Variants in HEATR5A observed in about 807,000 individuals in gnomAD.
HEATR5A encodes the protein HEAT repeat-containing protein 5A.
HEATR5A carries 178 observed loss-of-function variants against 218.8 expected under a neutral mutation model. The ratio of observed to expected loss-of-function variants is 0.81; its 90% confidence interval spans 0.72 to 0.92. HEATR5A has a LOEUF of 0.92. HEATR5A is among the 40% of genes least tolerant of loss of function. HEATR5A has a pLI of 0.00. For missense variants in HEATR5A, 2,420 were observed against 2,418.9 expected (o/e 1.00, Z -0.01); for synonymous variants, 864 against 871.6 (o/e 0.99, Z 0.15).
Position 31,306,849 on chromosome 14 carries a change from G to T in HEATR5A, c.4849C>A (p.His1617Asn). The T allele has an allele frequency of 6.2e-7, 1 of 1,613,034 alleles. No homozygotes were observed. The highest frequency in any genetic ancestry group is 1.1e-5 in the South Asian group (1 of 90,956). Residue 1617 changes from histidine (H) to asparagine (N), a missense_variant, in exon 31 of 36, where the codon CAT becomes AAT. Physicochemically the swap from His to Asn is moderately conservative, Grantham distance 68. Coordinates refer to ENST00000543095, the MANE Select transcript of HEATR5A (RefSeq NM_015473.4). ...GATTCTCTGGTTAAAATTACTCGATGTAGAACATTCAGCAATTCTATACCC... is the reference window on the plus strand; with the variant it reads ...GATTCTCTGGTTAAAATTACTCGATTTAGAACATTCAGCAATTCTATACCC... ...DLGIELLNVL[H>N]RVILTRESPS...
intron 18 of HEATR5A, among the ~76,000 whole-genome samples, chr14:31,348,768 CA>C (rs1302705218): frequency 6.6e-6 from 1 of 152,062 alleles, no homozygotes; most frequent in Non-Finnish European, 1.5e-5. Context: ...ATAGCTCTCA[CA>C]AAATAACCAA....
chr14:31,414,234 G>C (rs1243334283), intron 1 of HEATR5A, among the ~76,000 whole-genome samples: 1 of 152,148 alleles, frequency 6.6e-6, no homozygotes, highest in Non-Finnish European at 1.5e-5. Flanking sequence ...TCTTCTGAAA[G>C]TCACTAGCTA....
chr14:31,389,041 C>A, intron 6 of HEATR5A, 36 bp from the exon 7 acceptor site: 1 of 1,521,142 alleles, frequency 6.6e-7, no homozygotes, highest in Non-Finnish European at 8.9e-7. Context: ...TCATATTTTA[C>A]AGACTAAATT....
chr14:31,332,225 T>C (rs1900497243), intron 22 of HEATR5A, among the ~76,000 whole-genome samples: 1 of 152,260 alleles, frequency 6.6e-6, no homozygotes, highest in South Asian at 2.1e-4. Flanking sequence ...TTGGTGATCT[T>C]TGATGTTACT....
chr14:31,321,548 G>A lies in HEATR5A; in HGVS notation c.3920C>T (p.Pro1307Leu), dbSNP rs1900108253. ...LVVIRRFATVPEPEFPGHVIL... is the reference protein window; with the variant it reads ...LVVIRRFATVLEPEFPGHVIL... Reference sequence around the variant, plus strand: ...CACATGACCTGGAAACTCTGGTTCTGGAACAGTTGCAAATCGCCGAATAAC... The same window carrying A: ...CACATGACCTGGAAACTCTGGTTCTAGAACAGTTGCAAATCGCCGAATAAC... The change falls in exon 25 of 36, where the codon CCA (proline) becomes CTA (leucine). Residue 1307 changes from proline to leucine, a missense_variant. Transcript: ENST00000543095. 6.2e-7 allele frequency: 1 copy of A among 1,605,268 alleles called. No homozygotes were observed. Among genetic ancestry groups the A allele is most frequent in the Non-Finnish European group, 8.5e-7 (1 of 1,175,800 alleles).
chr14:31,411,752 C>G (rs947211822), intron 1 of HEATR5A, among the ~76,000 whole-genome samples: 3 of 152,126 alleles, frequency 2.0e-5, no homozygotes, highest in Admixed American at 6.5e-5. Flanking sequence ...AGCCAGGAAT[C>G]TCATAGAATT....
At position 31,402,151 on chromosome 14, in the gene HEATR5A, T is replaced by C. The variant is rs2030901763; in HGVS notation, c.126+699A>G. Among the ~76,000 whole-genome samples the C allele has an allele frequency of 2.0e-5, 3 of 152,246 alleles. No homozygotes were observed. In the South Asian group the frequency reaches 6.2e-4, roughly 31 times the overall value. The stretch of plus-strand genomic sequence containing the variant: ...AATGTGTTTTGGAATGCTACTATTT[T>C]AAATTCATAAATAAAATGTCTTCTG... On this transcript the variant is annotated intron_variant, in intron 2 of 35. Transcript: ENST00000543095.
intron 22 of HEATR5A, among the ~76,000 whole-genome samples, chr14:31,336,213 C>CACACACACACACATAT (rs758047507): frequency 7.7e-5 from 7 of 90,742 alleles, no homozygotes; most frequent in African/African-American, 2.2e-4. Flanking sequence ...TATATACATA[C>CACACACACACACATAT]ATACATATAT....
chr14:31,316,082 A>G (rs1433819900), intron 26 of HEATR5A, 133 bp from the exon 27 acceptor site: 3 of 634,762 alleles, frequency 4.7e-6, no homozygotes, highest in Non-Finnish European at 7.6e-6. Context: ...CAGGAGTTTG[A>G]GACAAGCCTG....
chr14:31,336,228 A>ATATATG (rs1900659030), intron 22 of HEATR5A, among the ~76,000 whole-genome samples: 1 of 21,996 alleles, frequency 4.5e-5, no homozygotes. Flanking sequence ...ATATATATAT[A>ATATATG]TATATATATA....
intron 16 of HEATR5A, among the ~76,000 whole-genome samples, 195 bp downstream of exon 16, chr14:31,358,442 C>T (rs1901501807): frequency 6.6e-6 from 1 of 152,164 alleles, no homozygotes; most frequent in Non-Finnish European, 1.5e-5. Flanking sequence ...ATTGTATCCA[C>T]AACAGTTCTA....
chr14:31,341,875 T>A (rs1038044916), intron 21 of HEATR5A, among the ~76,000 whole-genome samples: 1 of 151,388 alleles, frequency 6.6e-6, no homozygotes, highest in African/African-American at 2.4e-5. Flanking sequence ...AAATGGAGAG[T>A]AAAAGATCAA....
chr14:31,419,686 CAGT>C (rs2031576335), intron 1 of HEATR5A, among the ~76,000 whole-genome samples: 1 of 152,216 alleles, frequency 6.6e-6, no homozygotes, highest in African/African-American at 2.4e-5. Flanking sequence ...TCTGACTTGA[CAGT>C]CAAGAAAATT....
chr14:31,365,716 T>C (rs780919578), intron 13 of HEATR5A, among the ~76,000 whole-genome samples: 5 of 150,672 alleles, frequency 3.3e-5, no homozygotes, highest in Admixed American at 6.6e-5. Flanking sequence ...CCAGGCTGGA[T>C]TGTAGTGGCG....
chr14:31,321,644 C>A lies in HEATR5A; in HGVS notation c.3824G>T (p.Arg1275Leu), dbSNP rs184236608. 4 of 1,607,090 alleles carry A rather than the reference C, an allele frequency of 2.5e-6. No individual in the cohort carries two copies. Among genetic ancestry groups the A allele is most frequent in the Middle Eastern group, 1.7e-4 (1 of 6,046 alleles). ...ATCTGTGGCAGCCATAAAAGCCATG[C>A]GAATTAAGTCAGCAAGATGCAGTAC... Reference protein sequence around the residue: ...FLVLHLADLIRMAFMAATDHS... With the variant: ...FLVLHLADLILMAFMAATDHS... Residue 1275 changes from arginine (R) to leucine (L), a missense_variant, in exon 25 of 36, where the codon CGC becomes CTC. Transcript: ENST00000543095.
chr14:31,392,422 G>A (rs2030489088), intron 6 of HEATR5A, among the ~76,000 whole-genome samples: 1 of 152,060 alleles, frequency 6.6e-6, no homozygotes, highest in Non-Finnish European at 1.5e-5. Context: ...GGTTTCTTGT[G>A]TTCTCCAAGA....
At chr14:31,301,975 G>A (rs921906177) in intron 33 of HEATR5A, among the ~76,000 whole-genome samples, 7 of 151,410 alleles carry the variant, frequency 4.6e-5, no homozygotes, top group Non-Finnish European at 4.4e-5. Context: ...TGGGATTATA[G>A]GTATGTGCCA....
chr14:31,397,613 C>T (rs1482997879), intron 4 of HEATR5A, among the ~76,000 whole-genome samples: 3 of 149,840 alleles, frequency 2.0e-5, no homozygotes, highest in East Asian at 2.0e-4. Context: ...GAGCTGAGAT[C>T]GCGCCATTGC....
At chr14:31,336,250 A>ATATATATATG (rs1702566242) in intron 22 of HEATR5A, among the ~76,000 whole-genome samples, 14 of 89,766 alleles carry the variant, frequency 1.6e-4, no homozygotes, top group South Asian at 3.2e-4. Context: ...ATATATATAT[A>ATATATATATG]TATATATATA....
Sources: allele counts gnomAD v4.1 joint callset (sites outside exome capture counted in the v4.1 genomes callset), GRCh38; gene constraint gnomAD v4.1.1; transcripts MANE v1.5; gene names NCBI Gene and HGNC (gene_info 2026-07-23, HGNC 2026-07-21).